GSTCD: variants seen among roughly 807,000 people sequenced by gnomAD.
GSTCD encodes the protein glutathione S-transferase C-terminal domain-containing protein.
GSTCD carries 44 observed loss-of-function variants against 68.3 expected under a neutral mutation model. That is an observed-to-expected ratio of 0.64 (90% CI 0.51 to 0.83). GSTCD has a LOEUF of 0.83. Ranked by LOEUF, GSTCD falls within the 40% of genes least tolerant of loss-of-function variation. GSTCD has a pLI of 0.00. For synonymous variants in GSTCD, 273 were observed against 255.2 expected, an observed-to-expected ratio of 1.07 and a Z score of -0.67; for missense variants, 739 against 735.9, an observed-to-expected ratio of 1.00 and a Z score of -0.05.
rs189374985 is a variant in GSTCD, at chr4:105,839,129, G to T, written c.1695+1240G>T. Reference sequence around the variant, plus strand: ...CCAACCCCGCACCCTGTACAAATATGCACAGATATGGAAAGGGGAGAACTT... The same window carrying T: ...CCAACCCCGCACCCTGTACAAATATTCACAGATATGGAAAGGGGAGAACTT... On this transcript the variant is annotated intron_variant, in intron 10 of 11. Coordinates refer to ENST00000515279, the MANE Select transcript of GSTCD (RefSeq NM_001370181.1). Among the ~76,000 whole-genome samples, 42 of 152,086 alleles carry T rather than the reference G, an allele frequency of 2.8e-4. 2 individuals are homozygous for T. In the East Asian group the frequency reaches 6.8e-3, roughly 25 times the overall value.
At position 105,719,479 on chromosome 4, in the gene GSTCD, C is replaced by G; in HGVS notation, c.846C>G (p.Tyr282Ter). 1.2e-6 allele frequency: 2 copies of G among 1,614,048 alleles called. No homozygotes were observed. The highest frequency in any genetic ancestry group is 1.7e-6 in the Non-Finnish European group (2 of 1,179,940). ...AGCATGTGTTTGCAGAAGGGCTTTACTTCACTCTGGCAGATATTGTGCTCT... is the reference window on the plus strand; with the variant it reads ...AGCATGTGTTTGCAGAAGGGCTTTAGTTCACTCTGGCAGATATTGTGCTCT... The part of the protein sequence containing the change: ...PLEHVFAEGL[Y>*]FTLADIVLLP... The change falls in exon 3 of 12, where the codon TAC (tyrosine) becomes TAG (stop). Residue 282 changes from tyrosine (Y) to a stop codon, truncating the protein, a stop_gained. Coordinates refer to ENST00000515279, the MANE Select transcript of GSTCD (RefSeq NM_001370181.1). LOFTEE classifies it high-confidence loss of function.
chr4:105,800,112 C>T (rs971433333), intron 5 of GSTCD, among the ~76,000 whole-genome samples: 2 of 152,090 alleles, frequency 1.3e-5, no homozygotes, highest in African/African-American at 2.4e-5. Context: ...AAGACATACC[C>T]GAGACTGGGC....
intron 5 of GSTCD, among the ~76,000 whole-genome samples, chr4:105,779,997 A>G (rs1735216090): frequency 6.6e-6 from 1 of 152,182 alleles, no homozygotes; most frequent in African/African-American, 2.4e-5. Flanking sequence ...AAGAGAGAAA[A>G]AACTACTGCC....
At chr4:105,720,681 G>A (rs1464069580) in intron 3 of GSTCD, among the ~76,000 whole-genome samples, 3 of 152,154 alleles carry the variant, frequency 2.0e-5, no homozygotes, top group Admixed American at 1.3e-4. Context: ...TGAGTGGGAA[G>A]AAGACATTGA....
At chr4:105,809,945 TG>T (rs527614344) in intron 5 of GSTCD, among the ~76,000 whole-genome samples, 128 of 152,210 alleles carry the variant, frequency 8.4e-4, no homozygotes, top group African/African-American at 2.9e-3. Context: ...TCTCAGTATT[TG>T]GATATGATTC....
Position 105,845,666 on chromosome 4 carries a change from C to T in GSTCD, c.*89C>T. ...GGAGGTTCTTGGCATAACTAGGAAACAGCATTAGCCATCTTGAACCTATTG... is the reference window on the plus strand; with the variant it reads ...GGAGGTTCTTGGCATAACTAGGAAATAGCATTAGCCATCTTGAACCTATTG... On this transcript the variant is annotated 3_prime_UTR_variant, in exon 12 of 12. Coordinates refer to ENST00000515279, the MANE Select transcript of GSTCD (RefSeq NM_001370181.1). 7.4e-7 allele frequency: 1 copy of T among 1,351,196 alleles called. No homozygotes were observed. The highest frequency in any genetic ancestry group is 1.2e-5 in the South Asian group (1 of 81,468). 83.7% of individuals were successfully genotyped at this position (1,351,196 alleles called of 1,614,324 possible). A position where few individuals can be genotyped will look rare whatever the true frequency, so the allele number is the denominator to read the frequency against.
At chr4:105,765,591 C>T (rs759313597) in intron 5 of GSTCD, among the ~76,000 whole-genome samples, 14 of 152,232 alleles carry the variant, frequency 9.2e-5, no homozygotes, top group Non-Finnish European at 1.6e-4. Flanking sequence ...ATAAGCTATT[C>T]AACAAGTATC....
chr4:105,727,680 A>G (rs1024571383), intron 4 of GSTCD, among the ~76,000 whole-genome samples: 3 of 151,668 alleles, frequency 2.0e-5, no homozygotes, highest in African/African-American at 7.3e-5. Flanking sequence ...GACAGAGTGA[A>G]ACCCTGTTTC....
chr4:105,781,771 C>T (rs1735281094), intron 5 of GSTCD, among the ~76,000 whole-genome samples: 2 of 149,748 alleles, frequency 1.3e-5, no homozygotes, highest in African/African-American at 4.9e-5. Context: ...AATTCTGTAT[C>T]TTAGTTTATT....
chr4:105,726,537 C>A (rs1169520113), intron 3 of GSTCD, 42 bp from the exon 4 acceptor site: 1 of 1,326,004 alleles, frequency 7.5e-7, no homozygotes, highest in South Asian at 1.5e-5. Flanking sequence ...CTATTATAAA[C>A]AAAATATATA....
At chr4:105,743,657 T>C (rs1218366758) in intron 5 of GSTCD, among the ~76,000 whole-genome samples, 1 of 139,498 alleles carries the variant, frequency 7.2e-6, no homozygotes, top group Admixed American at 7.1e-5. Flanking sequence ...GACATTCTTT[T>C]TTTTTTTTTT....
chr4:105,749,466 G>A (rs11931492), intron 5 of GSTCD, among the ~76,000 whole-genome samples: 3,023 of 151,792 alleles, frequency 0.02, 45 homozygotes, highest in African/African-American at 0.044. Context: ...TATAGTAATT[G>A]GAGAGATAGA....
chr4:105,768,102 C>T (rs1734693033), intron 5 of GSTCD, among the ~76,000 whole-genome samples: 1 of 150,416 alleles, frequency 6.6e-6, no homozygotes. Flanking sequence ...GTGGCGCGAT[C>T]TCGGCTCACT....
At chr4:105,720,268 A>T (rs1732820743) in intron 3 of GSTCD, among the ~76,000 whole-genome samples, 1 of 152,230 alleles carries the variant, frequency 6.6e-6, no homozygotes, top group Non-Finnish European at 1.5e-5. Context: ...ACCAGAGTGA[A>T]CATAGGAAGC....
chr4:105,764,998 T>C (rs1734550959), intron 5 of GSTCD, among the ~76,000 whole-genome samples: 1 of 152,180 alleles, frequency 6.6e-6, no homozygotes. Flanking sequence ...TTTTTTACCT[T>C]GATCTGCATA....
At chr4:105,790,971 C>T (rs1016438800) in intron 5 of GSTCD, among the ~76,000 whole-genome samples, 2 of 151,922 alleles carry the variant, frequency 1.3e-5, no homozygotes, top group South Asian at 2.1e-4. Flanking sequence ...AGTTGTTAAA[C>T]GCCTCTACTT....
chr4:105,823,266 A>G lies in GSTCD; in HGVS notation c.1392A>G (p.Pro464=), dbSNP rs779507286. 10 of 1,613,656 alleles carry G rather than the reference A, an allele frequency of 6.2e-6. No individual in the cohort carries two copies. Among genetic ancestry groups the G allele is most frequent in the Admixed American group, 1.7e-5 (1 of 59,990 alleles). The change falls in exon 7 of 12, where the codon CCA becomes CCG. Residue 464 remains proline (P), a synonymous_variant. Transcript: ENST00000515279. ...GAATTGTCCTTGCTCACATGCTGCC[A>G]TCATGTCAGGTAAAGCCAGAATAAG... ...HVGIVLAHML[P]SCQVTLIENK...
chr4:105,825,176 C>T (rs1723534013), intron 7 of GSTCD, among the ~76,000 whole-genome samples: 1 of 152,090 alleles, frequency 6.6e-6, no homozygotes, highest in East Asian at 1.9e-4. Context: ...GATGCCCAGG[C>T]TGGAGTACAG....
chr4:105,719,418 T>C lies in GSTCD; in HGVS notation c.785T>C (p.Ile262Thr), dbSNP rs1223060944. The C allele has an allele frequency of 1.2e-6, 2 of 1,613,924 alleles. No individual in the cohort carries two copies. Among genetic ancestry groups the C allele is most frequent in the African/African-American group, 1.3e-5 (1 of 74,914 alleles). The change falls in exon 3 of 12, where the codon ATC becomes ACC. Residue 262 changes from isoleucine to threonine, a missense_variant. Coordinates refer to ENST00000515279, the MANE Select transcript of GSTCD (RefSeq NM_001370181.1). ...PATTNREPSH[I>T]RKAKASDLPP... ...ACTACCAACAGAGAGCCTTCTCACA[T>C]CAGAAAAGCAAAAGCCTCCGACCTT... is the stretch of plus-strand genomic sequence containing the variant.
Sources: gnomAD v4.1 joint callset for allele counts (sites outside exome capture counted in the v4.1 genomes callset) on GRCh38, gnomAD v4.1.1 for gene constraint, MANE v1.5 for transcripts, NCBI Gene and HGNC (gene_info 2026-07-23, HGNC 2026-07-21) for gene names.